The following TASP1 variants were observed in gnomAD, a reference collection of about 807,000 sequenced individuals.
TASP1 encodes the protein taspase 1, also known as threonine aspartase 1.
Under a neutral mutation model 56.6 loss-of-function variants are expected in TASP1, and 16 were observed. That is an observed-to-expected ratio of 0.28 (90% confidence interval 0.19 to 0.43). TASP1 has a LOEUF of 0.43. Among genes scored for constraint, TASP1 ranks in the 20% least tolerant of loss-of-function variants. TASP1 has a pLI of 1.00. For synonymous variants in TASP1, 179 were observed against 184.2 expected (o/e 0.97, Z 0.23); for missense variants, 393 against 511.6 (o/e 0.77, Z 2.24).
chr20:13,544,389 C>G (rs1036938494), intron 8 of TASP1, among the ~76,000 whole-genome samples: 1 of 152,168 alleles, frequency 6.6e-6, no homozygotes, highest in African/African-American at 2.4e-5. Context: ...CTTTGTTTTT[C>G]CCACTGGAGA....
the TASP1 span, among the ~76,000 whole-genome samples, chr20:13,309,796 G>A: frequency 6.6e-6 from 1 of 151,828 alleles, no homozygotes; most frequent in African/African-American, 2.4e-5. Context: ...GTTTCTATAA[G>A]CAAAAAAACT....
At chr20:13,609,776 G>C (rs1183427976) in intron 4 of TASP1, among the ~76,000 whole-genome samples, 3 of 150,472 alleles carry the variant, frequency 2.0e-5, no homozygotes, top group Non-Finnish European at 4.4e-5. Context: ...CAAAAGAACT[G>C]AAAAAAGTTA....
chr20:13,118,918 C>G, the TASP1 span, among the ~76,000 whole-genome samples: 2 of 152,340 alleles, frequency 1.3e-5, no homozygotes, highest in South Asian at 4.1e-4. Context: ...TTTTAAGTGG[C>G]CTTTACCCTT....
the TASP1 span, among the ~76,000 whole-genome samples, chr20:13,284,586 G>C: frequency 1.8e-4 from 28 of 152,184 alleles, no homozygotes. Flanking sequence ...TCAATGATTT[G>C]TCCCTGTCAG....
chr20:13,326,556 A>G, the TASP1 span, among the ~76,000 whole-genome samples: 1 of 152,100 alleles, frequency 6.6e-6, no homozygotes, highest in Non-Finnish European at 1.5e-5. Context: ...AGCCATTCTA[A>G]TAGGTATATA....
the TASP1 span, among the ~76,000 whole-genome samples, chr20:13,209,588 C>G: frequency 1.1e-4 from 17 of 152,226 alleles, no homozygotes; most frequent in South Asian, 3.5e-3. Flanking sequence ...TGAAATTTAT[C>G]TGAAGCCCAA....
intron 13 of TASP1, among the ~76,000 whole-genome samples, chr20:13,405,076 A>G (rs939922254): frequency 2.0e-4 from 30 of 152,214 alleles, no homozygotes; most frequent in African/African-American, 6.5e-4. Flanking sequence ...TATTTCACCA[A>G]TCCTCACCTA....
chr20:13,392,982 G>T, intron 13 of TASP1: 1 of 585,316 alleles, frequency 1.7e-6, no homozygotes, highest in South Asian at 1.6e-5. Context: ...GTATCTTCAC[G>T]ACCATGGAGA....
chr20:13,119,796 G>A, the TASP1 span, among the ~76,000 whole-genome samples: 2 of 152,172 alleles, frequency 1.3e-5, no homozygotes, highest in Non-Finnish European at 2.9e-5. Context: ...TGAAAACATA[G>A]GGGCTGTTTC....
At chr20:13,150,550 A>T in the TASP1 span, among the ~76,000 whole-genome samples, 3 of 152,204 alleles carry the variant, frequency 2.0e-5, no homozygotes, top group African/African-American at 7.2e-5. Context: ...ATGAGTTGTC[A>T]TGTTGATAAA....
chr20:13,508,239 A>T (rs1247433713), intron 10 of TASP1, among the ~76,000 whole-genome samples: 2 of 152,124 alleles, frequency 1.3e-5, no homozygotes, highest in Non-Finnish European at 2.9e-5. Context: ...AAAAGCAAAA[A>T]TAAGCAAGTA....
chr20:13,269,781 CTTAT>C, the TASP1 span, among the ~76,000 whole-genome samples: 3 of 152,124 alleles, frequency 2.0e-5, no homozygotes, highest in African/African-American at 4.8e-5. Context: ...TTGATCTGAT[CTTAT>C]TTATTTATCT....
rs140748167 is a variant in TASP1 at position 13,471,458 on chromosome 20, T to C, written c.985+11769A>G. Among the ~76,000 whole-genome samples the C allele has an allele frequency of 1.4e-4, 22 of 152,250 alleles. No homozygotes were observed. The East Asian group carries it at 2.7e-3, about 19-fold the overall frequency. Reference sequence around the variant, plus strand: ...AATTTCTTATTGGCATGTAATTCCATGTCCTTCAGAATCTAAACTCCAGCT... The same window carrying C: ...AATTTCTTATTGGCATGTAATTCCACGTCCTTCAGAATCTAAACTCCAGCT... On this transcript the variant is annotated intron_variant, in intron 11 of 13. Coordinates refer to ENST00000337743, the MANE Select transcript of TASP1 (RefSeq NM_017714.3).
intron 4 of TASP1, among the ~76,000 whole-genome samples, chr20:13,604,991 T>C (rs1202331515): frequency 8.8e-6 from 1 of 113,646 alleles, no homozygotes; most frequent in Non-Finnish European, 2.0e-5. Context: ...ATAATACATA[T>C]ATATATATAT....
chr20:13,263,019 C>T, the TASP1 span, among the ~76,000 whole-genome samples: 96 of 152,172 alleles, frequency 6.3e-4, no homozygotes, highest in Non-Finnish European at 1.2e-3. Context: ...TTCTTGAGCC[C>T]ATGATGTACC....
Position 13,433,650 on chromosome 20 carries a change from T to A in TASP1, c.1096+1394A>T, listed in dbSNP as rs187103276. On this transcript the variant is annotated intron_variant, in intron 12 of 13. Coordinates refer to ENST00000337743, the MANE Select transcript of TASP1 (RefSeq NM_017714.3). Reference sequence around the variant, plus strand: ...TTTATGAAAATGTTTTGGGCACCTATAGAAAAAGTATTTTTTATACCCATA... The same window carrying A: ...TTTATGAAAATGTTTTGGGCACCTAAAGAAAAAGTATTTTTTATACCCATA... Among the ~76,000 whole-genome samples, 8 of 151,754 alleles carry A rather than the reference T, an allele frequency of 5.3e-5. No individual in the cohort carries two copies. In the East Asian group the frequency reaches 1.4e-3, roughly 26 times the overall value.
At chr20:13,108,998 A>C in the TASP1 span, among the ~76,000 whole-genome samples, 1 of 152,352 alleles carries the variant, frequency 6.6e-6, no homozygotes, top group Non-Finnish European at 1.5e-5. Flanking sequence ...CAAAAAATAC[A>C]CAGTACAAAT....
downstream of TASP1, among the ~76,000 whole-genome samples, chr20:13,385,216 C>T (rs111399312): frequency 0.035 from 5,393 of 152,268 alleles, 113 homozygotes; most frequent in African/African-American, 0.053. Context: ...AGTCATGAAA[C>T]GCCTTTAGCT....
intron 4 of TASP1, among the ~76,000 whole-genome samples, chr20:13,621,287 C>A (rs1327264685): frequency 6.6e-6 from 1 of 151,742 alleles, no homozygotes; most frequent in East Asian, 1.9e-4. Flanking sequence ...AAAAATTAGC[C>A]GGGTGTGGTG....
Sources: allele counts gnomAD v4.1 joint callset (sites outside exome capture counted in the v4.1 genomes callset), GRCh38; gene constraint gnomAD v4.1.1; transcripts MANE v1.5; gene names NCBI Gene and HGNC (gene_info 2026-07-23, HGNC 2026-07-21).